ERCC3: variants seen among roughly 807,000 people sequenced by gnomAD.
The protein encoded by ERCC3 is ERCC excision repair 3, TFIIH core complex helicase subunit.
Under a neutral mutation model 94.2 loss-of-function variants are expected in ERCC3, and 66 were observed. That is an observed-to-expected ratio of 0.70 (90% CI 0.57 to 0.86). The LOEUF is 0.86. Ranked by LOEUF, ERCC3 falls within the 40% of genes least tolerant of loss-of-function variation. The pLI is 0.00. For missense variants in ERCC3, 829 were observed against 987.1 expected (o/e 0.84, Z 2.15); for synonymous variants, 349 against 369.1 (o/e 0.95, Z 0.63).
rs2104728779 is a variant in ERCC3, at chr2:127,259,360, G to A, written c.2153C>T (p.Ala718Val). 1 of 1,614,170 alleles carries A rather than the reference G, an allele frequency of 6.2e-7. No homozygotes were observed. The highest frequency in any genetic ancestry group is 8.5e-7 in the Non-Finnish European group (1 of 1,180,030). The change falls in exon 14 of 15, where the codon GCA becomes GTA. Residue 718 changes from alanine (A) to valine (V), a missense_variant. Physicochemically the swap from Ala to Val is moderately conservative, Grantham distance 64. Coordinates refer to ENST00000285398, the MANE Select transcript of ERCC3 (RefSeq NM_000122.2). This position sits in a 1 kb window ranked among gnomAD's most constrained non-coding sequence, Gnocchi z 4.9. ...CTCCTCGGCATCCAGGTCAGTGGCT[G>A]CCAGGACTTTCTGTAAGAGCTGCTG... ...EQQQLLQKVL[A>V]ATDLDAEEEV...
intron 12 of ERCC3, among the ~76,000 whole-genome samples, chr2:127,263,737 T>C (rs573672311): frequency 2.0e-5 from 3 of 150,952 alleles, no homozygotes; most frequent in Non-Finnish European, 4.4e-5. Flanking sequence ...GGACGGAGTC[T>C]CGCTCTGTCG....
At chr2:127,293,997 CG>C in intron 1 of ERCC3, 56 bp downstream of exon 1, 2 of 1,590,138 alleles carry the variant, frequency 1.3e-6, no homozygotes, top group Admixed American at 1.7e-5. Context: ...CGAGGCAGAG[CG>C]GGGGGCAGGG....
In ERCC3 at chr2:127,289,683, A is replaced by G. The variant is rs1341969763; in HGVS notation, c.657+6T>C. 7 of 1,614,054 alleles carry G rather than the reference A, an allele frequency of 4.3e-6. No individual in the cohort carries two copies. The highest frequency in any genetic ancestry group is 1.3e-5 in the African/African-American group (1 of 74,920). The stretch of plus-strand genomic sequence containing the variant: ...CCACCCAAGGGTGGCCCAGGAGTCC[A>G]CATACGGCAGATTTGCTTGTGAAAG... On this transcript the variant is annotated splice_donor_region_variant and intron_variant, in intron 5 of 14. Coordinates refer to ENST00000285398, the MANE Select transcript of ERCC3 (RefSeq NM_000122.2).
In ERCC3 at chr2:127,259,401, C is replaced by T. The variant is rs114710997; in HGVS notation, c.2112G>A (p.Ser704=). 436 of 1,614,168 alleles carry T rather than the reference C, an allele frequency of 2.7e-4. 2 individuals are homozygous for T. The highest frequency in any genetic ancestry group is 2.7e-3 in the African/African-American group (201 of 75,038). The change falls in exon 14 of 15, where the codon TCG becomes TCA. Residue 704 remains serine, a synonymous_variant. Coordinates refer to ENST00000285398, the MANE Select transcript of ERCC3 (RefSeq NM_000122.2). This position sits in a 1 kb window ranked among gnomAD's most constrained non-coding sequence, Gnocchi z 4.9. ...AGAGCTGCTGTTGCTCTTCTTTTGTCGAAAACGCCAAGTCTTCCTCCTCCA... is the reference window on the plus strand; with the variant it reads ...AGAGCTGCTGTTGCTCTTCTTTTGTTGAAAACGCCAAGTCTTCCTCCTCCA... The part of the protein sequence containing the change: ...AGMEEEDLAF[S]TKEEQQQLLQ...
chr2:127,266,067 T>C (rs1684350142), intron 12 of ERCC3, among the ~76,000 whole-genome samples: 1 of 151,774 alleles, frequency 6.6e-6, no homozygotes, highest in Non-Finnish European at 1.5e-5. Flanking sequence ...GTTTAGTTTC[T>C]ATGTAATTGT....
chr2:127,293,704 T>A lies in ERCC3; in HGVS notation c.43A>T (p.Arg15Trp), dbSNP rs1454594744. The part of the protein sequence containing the change: ...DRADRDKKKS[R>W]KRHYEDEEDD... ...TCTTCATCCTCATAGTGCCGCTTCC[T>A]GGATTTCTTCTTGTCTGCAAGATAC... The change falls in exon 2 of 15, where the codon AGG becomes TGG. Residue 15 changes from arginine (R) to tryptophan (W), a missense_variant. By Grantham distance (101) the Arg-to-Trp change is moderately radical. Coordinates refer to ENST00000285398, the MANE Select transcript of ERCC3 (RefSeq NM_000122.2). 1 of 1,612,790 alleles carries A rather than the reference T, an allele frequency of 6.2e-7. No homozygotes were observed. Among genetic ancestry groups the A allele is most frequent in the Admixed American group, 1.7e-5 (1 of 60,024 alleles).
In ERCC3 at chr2:127,286,758, C is replaced by T. The variant is rs1394793027; in HGVS notation, c.1287G>A (p.Trp429Ter). The T allele has an allele frequency of 1.2e-6, 2 of 1,614,126 alleles. No homozygotes were observed. The highest frequency in any genetic ancestry group is 1.7e-6 in the Non-Finnish European group (2 of 1,180,012). Reference protein sequence around the residue: ...RSWEAERVMEWLKTQEWGLMI... With the variant: ...RSWEAERVME ...TGAGGCCCCACTCCTGGGTCTTGAG[C>T]CACTCCATGACTCGCTCGGCCTCCC... The change falls in exon 8 of 15, where the codon TGG (tryptophan) becomes TGA (stop). Residue 429 changes from tryptophan to a stop codon, truncating the protein, a stop_gained. Transcript: ENST00000285398. LOFTEE classifies it high-confidence loss of function.
At chr2:127,263,388 A>G (rs1434588616) in intron 12 of ERCC3, among the ~76,000 whole-genome samples, 2 of 152,150 alleles carry the variant, frequency 1.3e-5, no homozygotes, top group Non-Finnish European at 2.9e-5. Context: ...TACAGCTATT[A>G]TAAATTGGAT....
At position 127,291,189 on chromosome 2, in the gene ERCC3, G is replaced by A. The variant is rs543837296; in HGVS notation, c.472-916C>T. On this transcript the variant is annotated intron_variant, in intron 3 of 14. Coordinates refer to ENST00000285398, the MANE Select transcript of ERCC3 (RefSeq NM_000122.2). The surrounding 1 kb of genome is among the most constrained non-coding windows in gnomAD (Gnocchi z 4.9). ...TGCACCAACACCTACATCCCTGCAG[G>A]CAATTCGCAGCCAAGACCAGGCAGA... Among the ~76,000 whole-genome samples, 1 of 152,248 alleles carries A rather than the reference G, an allele frequency of 6.6e-6. No homozygotes were observed. Among genetic ancestry groups the A allele is most frequent in the Admixed American group, 6.5e-5 (1 of 15,296 alleles).
Position 127,291,560 on chromosome 2 carries a change from C to T in ERCC3, c.471+1050G>A, listed in dbSNP as rs746135627. Among the ~76,000 whole-genome samples, 20 of 151,904 alleles carry T rather than the reference C, an allele frequency of 1.3e-4. No individual in the cohort carries two copies. The highest frequency in any genetic ancestry group is 2.6e-4 in the Non-Finnish European group (18 of 67,968). ...ACAGGAGTGAGCCACTGCACCTGGC[C>T]GGGCACGCTTTCACATCACAGGAAA... On this transcript the variant is annotated intron_variant, in intron 3 of 14. Coordinates refer to ENST00000285398, the MANE Select transcript of ERCC3 (RefSeq NM_000122.2). The surrounding 1 kb of genome is among the most constrained non-coding windows in gnomAD (Gnocchi z 4.9).
At chr2:127,265,520 G>A (rs546869397) in intron 12 of ERCC3, among the ~76,000 whole-genome samples, 5 of 152,266 alleles carry the variant, frequency 3.3e-5, no homozygotes, top group East Asian at 3.9e-4. Context: ...CTGGGTTCAC[G>A]CAATTCTCCT....
At chr2:127,275,845 AAC>A (rs1476607541) in intron 10 of ERCC3, among the ~76,000 whole-genome samples, 1 of 152,206 alleles carries the variant, frequency 6.6e-6, no homozygotes, top group Non-Finnish European at 1.5e-5. Context: ...TACCTGAGCT[AAC>A]AGACTAGAGA....
At chr2:127,275,534 G>A (rs1684708774) in intron 10 of ERCC3, among the ~76,000 whole-genome samples, 1 of 152,186 alleles carries the variant, frequency 6.6e-6, no homozygotes, top group Non-Finnish European at 1.5e-5. Flanking sequence ...CCCTGCCCAA[G>A]CAGATGCTCG....
At position 127,261,345 on chromosome 2, in the gene ERCC3, C is replaced by T. The variant is rs1218748702; in HGVS notation, c.1947G>A (p.Gly649=). ...AGGCATTGTACTCTTCTGCAACCAT[C>T]CCTGCAGGAAAAAATGAGAAACGGC... The part of the protein sequence containing the change: ...RLGRVLRAKK[G]MVAEEYNAFF... Residue 649 remains glycine, a splice_region_variant and synonymous_variant, in exon 13 of 15, where the codon GGG becomes GGA. Transcript: ENST00000285398. 5 of 1,573,758 alleles carry T rather than the reference C, an allele frequency of 3.2e-6. No individual in the cohort carries two copies. Among genetic ancestry groups the T allele is most frequent in the Non-Finnish European group, 4.4e-6 (5 of 1,143,266 alleles).
chr2:127,273,104 A>G (rs1267433435), intron 10 of ERCC3, 143 bp from the exon 11 acceptor site: 6 of 626,896 alleles, frequency 9.6e-6, no homozygotes, highest in Non-Finnish European at 1.7e-5. Flanking sequence ...ACCCAAAAAA[A>G]TGACTGGCTA....
intron 8 of ERCC3, among the ~76,000 whole-genome samples, chr2:127,283,611 T>C (rs1684984165): frequency 6.6e-6 from 1 of 152,216 alleles, no homozygotes; most frequent in South Asian, 2.1e-4. Context: ...TGATGGGTCA[T>C]GTGGTAATTT....
chr2:127,266,898 T>C (rs929294516), intron 12 of ERCC3, among the ~76,000 whole-genome samples: 2 of 152,010 alleles, frequency 1.3e-5, no homozygotes, highest in East Asian at 3.9e-4. Context: ...TGTATTTTAG[T>C]AGAGACGGGG....
At chr2:127,286,456 G>C (rs1685068640) in intron 8 of ERCC3, among the ~76,000 whole-genome samples, 1 of 151,806 alleles carries the variant, frequency 6.6e-6, no homozygotes, top group Non-Finnish European at 1.5e-5. Context: ...CTGAGGCAGA[G>C]AACTGCTTGA....
rs200733704 is a variant in ERCC3 at position 127,257,733 on chromosome 2, G to T, written c.2218-6C>A. On this transcript the variant is annotated splice_polypyrimidine_tract_variant and splice_region_variant and intron_variant, in intron 14 of 14. Coordinates refer to ENST00000285398, the MANE Select transcript of ERCC3 (RefSeq NM_000122.2). This position sits in a 1 kb window ranked among gnomAD's most constrained non-coding sequence, Gnocchi z 5.4. ...GTGCCAAAGCGCCGAGATGCCTGCC[G>T]GGAAGGGGGAACCAGCCCATGTTAG... 6.2e-7 allele frequency: 1 copy of T among 1,614,112 alleles called. No homozygotes were observed. The highest frequency in any genetic ancestry group is 8.5e-7 in the Non-Finnish European group (1 of 1,180,016).
Sources: allele counts gnomAD v4.1 joint callset (sites outside exome capture counted in the v4.1 genomes callset), GRCh38; gene constraint gnomAD v4.1.1; non-coding constraint Gnocchi (gnomAD v3.1); transcripts MANE v1.5; gene names NCBI Gene and HGNC (gene_info 2026-07-23, HGNC 2026-07-21).